The following COL28A1 variants were observed in gnomAD, a reference collection of about 807,000 sequenced individuals.
The protein encoded by COL28A1 is collagen type XXVIII alpha 1 chain.
Under a neutral mutation model 150.2 loss-of-function variants are expected in COL28A1, and 161 were observed. That is an observed-to-expected ratio of 1.07 (90% CI 0.94 to 1.22). COL28A1 has a LOEUF of 1.22. Among genes scored for constraint, COL28A1 ranks in the 50% most tolerant of loss-of-function variants. The pLI, the probability that COL28A1 is intolerant of heterozygous loss-of-function variation, is 0.00. For missense variants in COL28A1, 1,617 were observed against 1,388.3 expected, an observed-to-expected ratio of 1.16 and a Z score of -2.62; for synonymous variants, 552 against 469.7, an observed-to-expected ratio of 1.18 and a Z score of -2.26.
chr7:7,542,215 G>A, the COL28A1 span, among the ~76,000 whole-genome samples: 1,686 of 152,284 alleles, frequency 0.011, 39 homozygotes, highest in African/African-American at 0.038. Flanking sequence ...GGGCGTGGTG[G>A]TGCATGCCTG....
intron 27 of COL28A1, among the ~76,000 whole-genome samples, chr7:7,390,465 G>C (rs1782473202): frequency 1.3e-5 from 2 of 151,890 alleles, no homozygotes. Context: ...CTTTTTGTTG[G>C]GTCTCTGCCA....
rs1781386834 is a variant in COL28A1, at chr7:7,373,955, T to C, written c.2360-409A>G. On this transcript the variant is annotated intron_variant, in intron 31 of 34. Transcript: ENST00000399429. This position sits in a 1 kb window ranked among gnomAD's most constrained non-coding sequence, Gnocchi z 4.1. ...ACCTCGTGATATGCCCGCCTCGGCC[T>C]CCCAAAGTGCTGGGATTACAGGCGT... Among the ~76,000 whole-genome samples, 1 of 147,094 alleles carries C rather than the reference T, an allele frequency of 6.8e-6. No individual in the cohort carries two copies. Among genetic ancestry groups the C allele is most frequent in the Admixed American group, 6.8e-5 (1 of 14,754 alleles).
At position 7,531,587 on chromosome 7, in the gene COL28A1, C is replaced by T. The variant is rs1049634466; in HGVS notation, c.442G>A (p.Gly148Arg). 6 of 1,604,352 alleles carry T rather than the reference C, an allele frequency of 3.7e-6. No homozygotes were observed. The Admixed American group carries it at 5.0e-5, about 13-fold the overall frequency. Residue 148 changes from glycine (G) to arginine (R), a missense_variant, in exon 3 of 35, where the codon GGG (glycine) becomes AGG (arginine). Coordinates refer to ENST00000399429, the MANE Select transcript of COL28A1 (RefSeq NM_001037763.3). ...ACCACTTTCACACCATCCTTACGCC[C>T]TTCTCTCTTAAGTAGCCTAGTGGCA... Reference protein sequence around the residue: ...SNATRLLKREGRKDGVKVVLL... With the variant: ...SNATRLLKRERRKDGVKVVLL...
intron 27 of COL28A1, among the ~76,000 whole-genome samples, chr7:7,406,432 G>T (rs1228050018): frequency 6.6e-6 from 1 of 152,168 alleles, no homozygotes; most frequent in Non-Finnish European, 1.5e-5. Flanking sequence ...CTAGGTGCTG[G>T]GAAGGAGAGG....
chr7:7,539,050 A>C (rs1440589690), upstream of COL28A1, among the ~76,000 whole-genome samples: 3 of 151,930 alleles, frequency 2.0e-5, no homozygotes, highest in African/African-American at 7.3e-5. Flanking sequence ...AAAGCTCTGA[A>C]ATTTCTGGGA....
intron 27 of COL28A1, among the ~76,000 whole-genome samples, chr7:7,390,183 T>G (rs1239798339): frequency 6.6e-6 from 1 of 152,230 alleles, no homozygotes; most frequent in East Asian, 1.9e-4. Flanking sequence ...CCTAGTTTAT[T>G]GAGAGTTTTT....
At chr7:7,344,745 C>T in the COL28A1 span, among the ~76,000 whole-genome samples, 2 of 151,992 alleles carry the variant, frequency 1.3e-5, no homozygotes, top group African/African-American at 4.8e-5. Flanking sequence ...AAGACATTCC[C>T]CCCAGCAACA....
In COL28A1 at chr7:7,452,369, C is replaced by A; in HGVS notation, c.1459G>T (p.Gly487Ter). ...PGSKGEVGQM[G>*]PTGPRGPVGI... ...ACTGGTCCTCGAGGGCCTGTAGGTC[C>A]CATTTGGCCTACTTCTCCCTAGTAA... The change falls in exon 18 of 35, where the codon GGA (glycine) becomes TGA (stop). Residue 487 changes from glycine to a stop codon, truncating the protein, a stop_gained. Coordinates refer to ENST00000399429, the MANE Select transcript of COL28A1 (RefSeq NM_001037763.3). LOFTEE classifies it high-confidence loss of function. 6.2e-7 allele frequency: 1 copy of A among 1,601,680 alleles called. No individual in the cohort carries two copies. The highest frequency in any genetic ancestry group is 8.5e-7 in the Non-Finnish European group (1 of 1,177,174).
At chr7:7,499,236 C>T (rs1312935920) in intron 11 of COL28A1, among the ~76,000 whole-genome samples, 1 of 152,070 alleles carries the variant, frequency 6.6e-6, no homozygotes, top group Non-Finnish European at 1.5e-5. Flanking sequence ...ACGTTCACAT[C>T]GTTTGGCGGC....
intron 33 of COL28A1, among the ~76,000 whole-genome samples, chr7:7,365,418 C>A (rs1397826792): frequency 1.3e-5 from 2 of 152,106 alleles, no homozygotes; most frequent in African/African-American, 4.8e-5. Context: ...AGAGCCGACA[C>A]CTGGAGTCCA....
At chr7:7,458,659 T>A (rs1232554510) in intron 15 of COL28A1, among the ~76,000 whole-genome samples, 1 of 152,212 alleles carries the variant, frequency 6.6e-6, no homozygotes, top group African/African-American at 2.4e-5. Flanking sequence ...CTTGATTTCT[T>A]ATGCATCAGA....
chr7:7,418,821 T>C (rs912562583), intron 26 of COL28A1, among the ~76,000 whole-genome samples: 1 of 152,140 alleles, frequency 6.6e-6, no homozygotes, highest in Non-Finnish European at 1.5e-5. Context: ...CCAGTGATAA[T>C]GACTACTAAC....
chr7:7,395,269 G>T (rs747817788), intron 27 of COL28A1, among the ~76,000 whole-genome samples: 4 of 152,044 alleles, frequency 2.6e-5, no homozygotes, highest in Non-Finnish European at 5.9e-5. Flanking sequence ...ACTCCAGCCT[G>T]GGCAACAGAG....
At chr7:7,396,349 A>G (rs1237257806) in intron 27 of COL28A1, among the ~76,000 whole-genome samples, 1 of 152,146 alleles carries the variant, frequency 6.6e-6, no homozygotes, top group African/African-American at 2.4e-5. Flanking sequence ...TGATAAAACC[A>G]AGGCTTCACT....
In COL28A1 at chr7:7,453,505, T is replaced by G. The variant is rs1233563030; in HGVS notation, c.1375A>C (p.Ile459Leu). 1 of 1,082,944 alleles carries G rather than the reference T, an allele frequency of 9.2e-7. No homozygotes were observed. Among genetic ancestry groups the G allele is most frequent in the East Asian group, 2.3e-5 (1 of 42,572 alleles). The allele number at this position is 1,082,944 out of a possible 1,614,324, so 67.1% of individuals were successfully genotyped here. A position where few individuals can be genotyped will look rare whatever the true frequency, so the allele number is the denominator to read the frequency against. ...PGIGSQGEQG[I>L]QGPIGPPGPQ... is the part of the protein sequence containing the mutation. ...CCAGGTGGACCAATAGGACCTTGGATTCCCTTTAAAATAAAATTTTATAAA... is the reference window on the plus strand; with the variant it reads ...CCAGGTGGACCAATAGGACCTTGGAGTCCCTTTAAAATAAAATTTTATAAA... Residue 459 changes from isoleucine (I) to leucine (L), a missense_variant, in exon 17 of 35, where the codon ATC becomes CTC. Physicochemically the swap from Ile to Leu is conservative, Grantham distance 5. Coordinates refer to ENST00000399429, the MANE Select transcript of COL28A1 (RefSeq NM_001037763.3).
chr7:7,444,417 C>A lies in COL28A1; in HGVS notation c.1581+1G>T, dbSNP rs1389583992. 6.2e-7 allele frequency: 1 copy of A among 1,613,616 alleles called. No individual in the cohort carries two copies. The highest frequency in any genetic ancestry group is 1.3e-5 in the African/African-American group (1 of 74,854). Reference sequence around the variant, plus strand: ...CAGTAATACGAAAAACTTGGTGTTACCTTCTTCCCTGCAGCTCCATCTTCT... The same window carrying A: ...CAGTAATACGAAAAACTTGGTGTTAACTTCTTCCCTGCAGCTCCATCTTCT... On this transcript the variant is annotated splice_donor_variant, in intron 19 of 34. Coordinates refer to ENST00000399429, the MANE Select transcript of COL28A1 (RefSeq NM_001037763.3). LOFTEE classifies it high-confidence loss of function.
intron 11 of COL28A1, among the ~76,000 whole-genome samples, chr7:7,500,813 C>T (rs573365702): frequency 3.2e-4 from 49 of 152,182 alleles, no homozygotes; most frequent in African/African-American, 1.1e-3. Flanking sequence ...GCTTGGGAAC[C>T]TCAGAAACTG....
chr7:7,430,474 T>C (rs181147119), intron 25 of COL28A1, among the ~76,000 whole-genome samples: 6 of 152,320 alleles, frequency 3.9e-5, no homozygotes, highest in African/African-American at 1.4e-4. Flanking sequence ...GTATTTATTA[T>C]TATTGCTCAA....
the COL28A1 span, among the ~76,000 whole-genome samples, chr7:7,339,307 T>G: frequency 6.6e-6 from 1 of 152,152 alleles, no homozygotes; most frequent in East Asian, 1.9e-4. Flanking sequence ...TTCACTCCCT[T>G]AAGTATCCTA....
Sources: gnomAD v4.1 joint callset for allele counts (sites outside exome capture counted in the v4.1 genomes callset) on GRCh38, gnomAD v4.1.1 for gene constraint, Gnocchi (gnomAD v3.1) non-coding constraint, MANE v1.5 for transcripts, NCBI Gene and HGNC (gene_info 2026-07-23, HGNC 2026-07-21) for gene names.